Variants in PKP2 observed in about 807,000 individuals in gnomAD.
The protein encoded by PKP2 is plakophilin-2.
Under a neutral mutation model 83.4 loss-of-function variants are expected in PKP2, and 73 were observed. The observed-to-expected ratio is 0.88, with a 90% CI of 0.72 to 1.06. The LOEUF is 1.06. Among genes scored for constraint, PKP2 ranks in the 50% least tolerant of loss-of-function variants. The pLI, the probability that PKP2 is intolerant of heterozygous loss-of-function variation, is 0.00. For missense variants in PKP2, 966 were observed against 1,065.4 expected, an observed-to-expected ratio of 0.91 and a Z score of 1.30; for synonymous variants, 409 against 430.4, an observed-to-expected ratio of 0.95 and a Z score of 0.62.
chr12:32,862,104 C>A (rs1267674300), intron 4 of PKP2, among the ~76,000 whole-genome samples: 1 of 152,012 alleles, frequency 6.6e-6, no homozygotes, highest in Non-Finnish European at 1.5e-5. Flanking sequence ...ACCATGTTGC[C>A]CAGGCCGGTC....
At chr12:32,884,191 C>T (rs2389117) in intron 1 of PKP2, among the ~76,000 whole-genome samples, 80,015 of 152,106 alleles carry the variant, frequency 0.53, 24,368 homozygotes, top group Non-Finnish European at 0.71. Flanking sequence ...AGGTGGCTTA[C>T]GCCTGTAATC....
At chr12:32,796,055 A>G in intron 11 of PKP2, 54 bp downstream of exon 11, 1 of 1,451,364 alleles carries the variant, frequency 6.9e-7, no homozygotes, top group South Asian at 1.1e-5. Context: ...TTATTTACAC[A>G]CAGGCTGGTG....
intron 6 of PKP2, among the ~76,000 whole-genome samples, chr12:32,837,286 G>A (rs551404909): frequency 7.8e-4 from 119 of 152,270 alleles, no homozygotes; most frequent in African/African-American, 2.6e-3. Flanking sequence ...TTGAAGACAA[G>A]CTTCCGGCAT....
At position 32,896,541 on chromosome 12, in the gene PKP2, A is replaced by AG. The variant is rs762288961; in HGVS notation, c.190dup (p.Leu64ProfsTer22). 1.3e-6 allele frequency: 2 copies of AG among 1,574,476 alleles called. No individual in the cohort carries two copies. Among genetic ancestry groups the AG allele is most frequent in the African/African-American group, 2.8e-5 (2 of 72,706 alleles). ...CACGGAGCTGCGGCCCTTCCGGGCG[A>AG]GGGTCTGCTGCACCTGCTCCTGGAT... On this transcript the variant is annotated frameshift_variant, in exon 1 of 13. Coordinates refer to ENST00000340811, the MANE Select transcript of PKP2 (RefSeq NM_001005242.3). LOFTEE classifies it high-confidence loss of function.
At chr12:32,798,704 G>A (rs900366306) in intron 10 of PKP2, among the ~76,000 whole-genome samples, 6 of 152,054 alleles carry the variant, frequency 3.9e-5, no homozygotes, top group Admixed American at 6.5e-5. Flanking sequence ...TGGGATAATT[G>A]GCAAGCCACA....
rs755375729 is a variant in PKP2, at chr12:32,796,063, G to T, written c.2357+46C>A. 4 of 1,492,826 alleles carry T rather than the reference G, an allele frequency of 2.7e-6. No homozygotes were observed. The South Asian group carries it at 4.5e-5, about 17-fold the overall frequency. 92.5% of individuals were successfully genotyped at this position (1,492,826 alleles called of 1,614,324 possible). A position where few individuals can be genotyped will look rare whatever the true frequency, so the allele number is the denominator to read the frequency against. ...AACCGGATTATTTACACACAGGCTG[G>T]TGAGGGGAAAGGGAGGCAGCTGACG... On this transcript the variant is annotated intron_variant, in intron 11 of 12. Coordinates refer to ENST00000340811, the MANE Select transcript of PKP2 (RefSeq NM_001005242.3).
Position 32,878,232 on chromosome 12 carries a change from T to C in PKP2, c.648A>G (p.Thr216=). Residue 216 remains threonine, a synonymous_variant, in exon 3 of 13, where the codon ACA becomes ACG. Transcript: ENST00000340811. ...GTTSRQRHFD[T]YHRQYQHGSV... ...AGCCATGCTGGTACTGTCTGTGGTA[T>C]GTGTCAAAGTGGCGCTGCCTGCTTG... 6.2e-7 allele frequency: 1 copy of C among 1,614,134 alleles called. No homozygotes were observed. The highest frequency in any genetic ancestry group is 1.3e-5 in the African/African-American group (1 of 75,030).
rs762452730 is a variant in PKP2 at position 32,878,877 on chromosome 12, G to A, written c.336+43C>T. The A allele has an allele frequency of 3.0e-6, 3 of 990,462 alleles. No individual in the cohort carries two copies. The African/African-American group carries it at 4.8e-5, about 16-fold the overall frequency. 61.4% of individuals were successfully genotyped at this position (990,462 alleles called of 1,614,324 possible). A position where few individuals can be genotyped will look rare whatever the true frequency, so the allele number is the denominator to read the frequency against. On this transcript the variant is annotated intron_variant, in intron 2 of 12. Transcript: ENST00000340811. ...TTAGGAAGTTTGAAAATATTTTCATGGTAGTAATCTGATCACTAGGGTTAC... is the reference window on the plus strand; with the variant it reads ...TTAGGAAGTTTGAAAATATTTTCATAGTAGTAATCTGATCACTAGGGTTAC...
rs11431590 is a variant in PKP2 at position 32,855,773 on chromosome 12, C to CAAAAAAAAAA, written c.1171-4810_1171-4801dup. ...CCTGGGCGACAGAGAGACTCCATCT[C>CAAAAAAAAAA]AAAAAAAAAAAAAAAAAAAAAAGGA... On this transcript the variant is annotated intron_variant, in intron 4 of 12. Coordinates refer to ENST00000340811, the MANE Select transcript of PKP2 (RefSeq NM_001005242.3). Among the ~76,000 whole-genome samples, 49 of 46,814 alleles carry CAAAAAAAAAA rather than the reference C, an allele frequency of 1.0e-3. 1 individual carries two copies. The highest frequency in any genetic ancestry group is 2.2e-3 in the African/African-American group (21 of 9,424). 30.7% of individuals were successfully genotyped at this position (46,814 alleles called of 152,430 possible).
intron 6 of PKP2, among the ~76,000 whole-genome samples, chr12:32,830,565 A>G (rs1956489907): frequency 6.6e-6 from 1 of 152,150 alleles, no homozygotes; most frequent in Non-Finnish European, 1.5e-5. Flanking sequence ...CATCTGTTCC[A>G]CACCAAGAAA....
At chr12:32,822,412 C>T (rs1295399615) in intron 8 of PKP2, 55 bp downstream of exon 8, 9 of 1,456,604 alleles carry the variant, frequency 6.2e-6, no homozygotes, top group Non-Finnish European at 6.7e-6. Flanking sequence ...TACACAAACA[C>T]ACACTCTCTC....
chr12:32,876,020 T>C (rs1471234978), intron 3 of PKP2, among the ~76,000 whole-genome samples: 1 of 152,140 alleles, frequency 6.6e-6, no homozygotes, highest in African/African-American at 2.4e-5. Context: ...AGATGCCTTC[T>C]TTGAGCAGGC....
At chr12:32,876,772 C>T (rs1956936716) in intron 3 of PKP2, among the ~76,000 whole-genome samples, 2 of 152,190 alleles carry the variant, frequency 1.3e-5, no homozygotes, top group South Asian at 4.1e-4. Context: ...TCAAGTGATT[C>T]GCTCGCCTGG....
At chr12:32,851,697 T>A (rs191706084) in intron 4 of PKP2, among the ~76,000 whole-genome samples, 306 of 152,278 alleles carry the variant, frequency 2.0e-3, no homozygotes, top group Middle Eastern at 0.01. Context: ...CTCGATCTCC[T>A]GACCTTGTGA....
intron 1 of PKP2, chr12:32,894,469 G>A (rs1304040699): frequency 6.6e-6 from 1 of 152,190 alleles, no homozygotes; most frequent in Non-Finnish European, 1.5e-5. Flanking sequence ...AACAGATTAT[G>A]TGTGGAGTTG....
chr12:32,802,061 T>C (rs935294161), intron 10 of PKP2, among the ~76,000 whole-genome samples: 2 of 152,200 alleles, frequency 1.3e-5, no homozygotes, highest in African/African-American at 4.8e-5. Context: ...AAGACAACTA[T>C]ATGGATTAGA....
At chr12:32,802,661 CTTA>C in intron 9 of PKP2, 105 bp from the exon 10 acceptor site, 1 of 1,018,628 alleles carries the variant, frequency 9.8e-7, no homozygotes, top group Non-Finnish European at 1.5e-6. Context: ...TTATTTTTAT[CTTA>C]TTTATTTATT....
chr12:32,818,947 A>G (rs1253145603), intron 9 of PKP2, among the ~76,000 whole-genome samples: 4 of 152,158 alleles, frequency 2.6e-5, no homozygotes, highest in Admixed American at 2.0e-4. Flanking sequence ...AAAAAAACAC[A>G]TATGTCAAAA....
chr12:32,871,148 AC>A (rs1315286255), intron 3 of PKP2, among the ~76,000 whole-genome samples: 2 of 150,976 alleles, frequency 1.3e-5, no homozygotes, highest in Non-Finnish European at 2.9e-5. Context: ...GATCTACTAC[AC>A]CCCTCCAATC....
Sources: allele counts gnomAD v4.1 joint callset (sites outside exome capture counted in the v4.1 genomes callset), GRCh38; gene constraint gnomAD v4.1.1; transcripts MANE v1.5; gene names NCBI Gene and HGNC (gene_info 2026-07-23, HGNC 2026-07-21).